SRBD1: variants seen among roughly 807,000 people sequenced by gnomAD.
SRBD1 encodes S1 RNA-binding domain-containing protein 1.
In SRBD1, 88 loss-of-function variants were observed where a neutral mutation model predicts 115.3. The ratio of observed to expected loss-of-function variants is 0.76; its 90% CI spans 0.64 to 0.91. SRBD1 has a LOEUF of 0.91. SRBD1 is among the 40% of genes least tolerant of loss of function. The pLI is 0.00. For missense variants in SRBD1, 1,385 were observed against 1,177.4 expected (o/e 1.18, Z -2.58); for synonymous variants, 509 against 407.7 (o/e 1.25, Z -2.99).
At chr2:45,412,852 G>C (rs1558561263) in intron 19 of SRBD1, among the ~76,000 whole-genome samples, 1 of 152,116 alleles carries the variant, frequency 6.6e-6, no homozygotes, top group Non-Finnish European at 1.5e-5. Context: ...ACAAACAGAG[G>C]GGAGTGCCAT....
chr2:45,584,324 G>T (rs35950676), intron 5 of SRBD1, among the ~76,000 whole-genome samples: 36,188 of 152,152 alleles, frequency 0.24, 4,525 homozygotes, highest in Non-Finnish European at 0.28. Flanking sequence ...TATTCCCCAT[G>T]CTTGATTATC....
At chr2:45,393,970 G>GT (rs1382969096) in intron 19 of SRBD1, among the ~76,000 whole-genome samples, 3 of 151,998 alleles carry the variant, frequency 2.0e-5, no homozygotes, top group South Asian at 2.1e-4. Context: ...CTCAAATTCC[G>GT]TAACAGTTGA....
At chr2:45,390,948 G>A (rs552299408) in intron 20 of SRBD1, among the ~76,000 whole-genome samples, 1 of 152,272 alleles carries the variant, frequency 6.6e-6, no homozygotes, top group Non-Finnish European at 1.5e-5. Context: ...CTACTGTAAT[G>A]TAATATTACA....
intron 14 of SRBD1, among the ~76,000 whole-genome samples, chr2:45,536,206 A>G (rs2103996360): frequency 6.6e-6 from 1 of 152,178 alleles, no homozygotes; most frequent in South Asian, 2.1e-4. Flanking sequence ...ACTAGTAGAC[A>G]CCAACAAATT....
chr2:45,568,552 G>C (rs1395355953), intron 9 of SRBD1, among the ~76,000 whole-genome samples: 1 of 152,126 alleles, frequency 6.6e-6, no homozygotes, highest in African/African-American at 2.4e-5. Context: ...TTTCCAAAAT[G>C]CTCTGCTTTC....
At chr2:45,577,317 A>G (rs1673210273) in intron 7 of SRBD1, among the ~76,000 whole-genome samples, 1 of 152,252 alleles carries the variant, frequency 6.6e-6, no homozygotes, top group Non-Finnish European at 1.5e-5. Flanking sequence ...AATACAGCCA[A>G]GATAACAGAT....
intron 18 of SRBD1, among the ~76,000 whole-genome samples, chr2:45,415,707 A>T (rs1160758219): frequency 1.5e-4 from 1 of 6,648 alleles, no homozygotes; most frequent in African/African-American, 7.3e-4. Flanking sequence ...AGGAGAGGAG[A>T]GGAGAGGAGA....
rs185669796 is a variant in SRBD1 at position 45,499,778 on chromosome 2, G to A, written c.1875-11447C>T. Among the ~76,000 whole-genome samples, 100 of 152,116 alleles carry A rather than the reference G, an allele frequency of 6.6e-4. 1 individual carries two copies. The East Asian group carries it at 0.013, about 20-fold the overall frequency. ...GTCCTTTCCCCAGTGTGTGTTCTTG[G>A]CACCACTGTCAAAATGAGTTGACTC... On this transcript the variant is annotated intron_variant, in intron 14 of 20. Transcript: ENST00000263736.
intron 11 of SRBD1, among the ~76,000 whole-genome samples, chr2:45,552,813 G>A (rs1039760496): frequency 6.6e-6 from 1 of 152,110 alleles, no homozygotes; most frequent in Non-Finnish European, 1.5e-5. Flanking sequence ...TTTTTTAATA[G>A]TACCTGCTCA....
At chr2:45,535,901 G>A (rs1247363558) in intron 14 of SRBD1, among the ~76,000 whole-genome samples, 1 of 151,932 alleles carries the variant, frequency 6.6e-6, no homozygotes, top group Non-Finnish European at 1.5e-5. Context: ...AGGAAAAGGA[G>A]GGATTCAGTT....
At chr2:45,557,783 T>C (rs1672529292) in intron 10 of SRBD1, among the ~76,000 whole-genome samples, 1 of 152,176 alleles carries the variant, frequency 6.6e-6, no homozygotes, top group South Asian at 2.1e-4. Context: ...TATGATGGGT[T>C]TGCCTTACAG....
chr2:45,534,557 C>A (rs570442584), intron 14 of SRBD1, among the ~76,000 whole-genome samples: 1 of 151,776 alleles, frequency 6.6e-6, no homozygotes, highest in Non-Finnish European at 1.5e-5. Context: ...GTTTTAATAT[C>A]CAGAAAACAA....
At chr2:45,425,343 AT>A (rs1407642800) in intron 16 of SRBD1, among the ~76,000 whole-genome samples, 1 of 152,200 alleles carries the variant, frequency 6.6e-6, no homozygotes, top group Non-Finnish European at 1.5e-5. Context: ...ATATGACTTT[AT>A]GCAGTATCTT....
chr2:45,420,386 C>G (rs1370471508), intron 16 of SRBD1, among the ~76,000 whole-genome samples: 1 of 152,152 alleles, frequency 6.6e-6, no homozygotes, highest in African/African-American at 2.4e-5. Context: ...AGTAAAATAA[C>G]AGTAAGACAG....
At chr2:45,468,597 C>CT (rs1432199844) in intron 16 of SRBD1, among the ~76,000 whole-genome samples, 1 of 152,078 alleles carries the variant, frequency 6.6e-6, no homozygotes, top group Non-Finnish European at 1.5e-5. Context: ...CTATGTCACT[C>CT]AGGCTGTCTC....
At chr2:45,567,322 T>C (rs139781509) in intron 9 of SRBD1, among the ~76,000 whole-genome samples, 41 of 152,198 alleles carry the variant, frequency 2.7e-4, no homozygotes, top group African/African-American at 9.4e-4. Context: ...TAGAAATAAA[T>C]GTTTCGGCTG....
intron 14 of SRBD1, among the ~76,000 whole-genome samples, chr2:45,535,454 T>C (rs1243686002): frequency 6.6e-6 from 1 of 152,016 alleles, no homozygotes; most frequent in African/African-American, 2.4e-5. Context: ...AATAATAATC[T>C]TACCTGTCCA....
At chr2:45,559,984 G>C (rs1178046583) in intron 10 of SRBD1, among the ~76,000 whole-genome samples, 1 of 152,058 alleles carries the variant, frequency 6.6e-6, no homozygotes, top group African/African-American at 2.4e-5. Flanking sequence ...AGGAGGCTCA[G>C]GTGAGAGGAC....
At chr2:45,463,197 G>C (rs1669378879) in intron 16 of SRBD1, among the ~76,000 whole-genome samples, 1 of 152,096 alleles carries the variant, frequency 6.6e-6, no homozygotes, top group African/African-American at 2.4e-5. Flanking sequence ...ATTCAACGAG[G>C]CCACCCTTCC....
Sources: allele counts gnomAD v4.1 joint callset (sites outside exome capture counted in the v4.1 genomes callset), GRCh38; gene constraint gnomAD v4.1.1; transcripts MANE v1.5; gene names NCBI Gene and HGNC (gene_info 2026-07-23, HGNC 2026-07-21).